The following CLIC2 variants were observed in gnomAD, a reference collection of about 807,000 sequenced individuals.
CLIC2 encodes the protein chloride intracellular channel protein 2.
CLIC2 carries 9 observed loss-of-function variants against 14.8 expected under a neutral mutation model. The ratio of observed to expected loss-of-function variants is 0.61; its 90% CI spans 0.37 to 1.06. CLIC2 has a LOEUF of 1.06. Among genes scored for constraint, CLIC2 ranks in the 50% least tolerant of loss-of-function variants. The pLI is 0.01. For synonymous variants in CLIC2, 61 were observed against 66.3 expected (o/e 0.92, Z 0.39); for missense variants, 148 against 181.4 (o/e 0.82, Z 1.06).
At chrX:155,316,894 C>T (rs1162192182) in intron 1 of CLIC2, among the ~76,000 whole-genome samples, 1 of 111,007 alleles carries the variant, frequency 9.0e-6, no homozygotes, top group Non-Finnish European at 1.9e-5. Flanking sequence ...TCTAGCCATG[C>T]TGGCAGCTAA....
At position 155,297,884 on chromosome X, in the gene CLIC2, A is replaced by AAAAAG. The variant is rs1557318527; in HGVS notation, c.293+900_293+901insCTTTT. On this transcript the variant is annotated intron_variant, in intron 3 of 5. Transcript: ENST00000369449. ...TCAAAAAAAAAAAAAAAAAAAAAAAAAAGAAGGTGAACCATCAGAGAGACA... is the reference window on the plus strand; with the variant it reads ...TCAAAAAAAAAAAAAAAAAAAAAAAAAAAAGAAGAAGGTGAACCATCAGAGAGACA... Among the ~76,000 whole-genome samples, 39 of 45,212 alleles carry AAAAAG rather than the reference A, an allele frequency of 8.6e-4. 5 individuals are homozygous for AAAAAG. Among genetic ancestry groups the AAAAAG allele is most frequent in the African/African-American group, 1.8e-3 (31 of 17,031 alleles). 39.3% of individuals were successfully genotyped at this position (45,212 alleles called of 115,157 possible).
chrX:155,279,760 T>C (rs1297107916), intron 4 of CLIC2, among the ~76,000 whole-genome samples: 1 of 111,827 alleles, frequency 8.9e-6, no homozygotes, highest in East Asian at 2.8e-4. Flanking sequence ...AATTGAGCTA[T>C]GGTTGGTAAT....
At chrX:155,299,825 T>C (rs2075009048) in intron 1 of CLIC2, among the ~76,000 whole-genome samples, 1 of 99,840 alleles carries the variant, frequency 1.0e-5, no homozygotes, top group African/African-American at 3.7e-5. Flanking sequence ...GAATATGCGG[T>C]GTTTGGTTTT....
intron 3 of CLIC2, among the ~76,000 whole-genome samples, chrX:155,286,264 A>G (rs782477611): frequency 1.8e-5 from 2 of 112,349 alleles, no homozygotes; most frequent in East Asian, 5.6e-4. Flanking sequence ...GTTTGCTAAG[A>G]ATAATAGCCT....
In CLIC2 at chrX:155,312,634, C is replaced by T. The variant is rs140616872; in HGVS notation, c.58-13489G>A. 1.7e-3 allele frequency among the ~76,000 whole-genome samples: 186 copies of T among 111,717 alleles called. 1 individual carries two copies. In the East Asian group the frequency reaches 0.049, roughly 29 times the overall value. On this transcript the variant is annotated intron_variant, in intron 1 of 5. Transcript: ENST00000369449. Reference sequence around the variant, plus strand: ...GCTTTGTTCTTTTTGCTTAGGATTGCTTTGACTATTTGGGCTCTTTTTGTG... The same window carrying T: ...GCTTTGTTCTTTTTGCTTAGGATTGTTTTGACTATTTGGGCTCTTTTTGTG...
intron 1 of CLIC2, among the ~76,000 whole-genome samples, chrX:155,329,992 T>C (rs1414604829): frequency 2.7e-5 from 3 of 110,740 alleles, no homozygotes; most frequent in African/African-American, 6.5e-5. Context: ...AACAAAAACA[T>C]TTGAACTCAT....
rs2074904045 is a variant in CLIC2 at position 155,277,871 on chromosome X, C to A, written c.*32G>T. ...TATGTCAATAAGTAAAATCTGATCA[C>A]AAATATAGCCTTGTCTCCTGTAAGA... is the stretch of plus-strand genomic sequence containing the variant. On this transcript the variant is annotated 3_prime_UTR_variant, in exon 6 of 6. Coordinates refer to ENST00000369449, the MANE Select transcript of CLIC2 (RefSeq NM_001289.6). 1.7e-6 allele frequency: 2 copies of A among 1,171,191 alleles called. No individual in the cohort carries two copies. Among genetic ancestry groups the A allele is most frequent in the African/African-American group, 3.6e-5 (2 of 56,294 alleles).
intron 1 of CLIC2, among the ~76,000 whole-genome samples, chrX:155,302,510 T>C (rs1211187976): frequency 4.0e-5 from 4 of 99,312 alleles, no homozygotes; most frequent in Non-Finnish European, 8.3e-5. Context: ...ATCAATTTTG[T>C]TGACCCTTTC....
At chrX:155,286,188 G>A (rs2074942239) in intron 3 of CLIC2, among the ~76,000 whole-genome samples, 1 of 111,629 alleles carries the variant, frequency 9.0e-6, no homozygotes, top group Non-Finnish European at 1.9e-5. Context: ...GTGTTCATGA[G>A]TTCTCATCAT....
intron 1 of CLIC2, among the ~76,000 whole-genome samples, chrX:155,332,058 A>C (rs1422203644): frequency 1.8e-5 from 2 of 111,643 alleles, no homozygotes; most frequent in Non-Finnish European, 3.8e-5. Context: ...ACAAACAACA[A>C]ATCATTAAGA....
intron 1 of CLIC2, among the ~76,000 whole-genome samples, chrX:155,319,432 AC>A (rs1167092830): frequency 8.9e-6 from 1 of 111,844 alleles, no homozygotes; most frequent in Non-Finnish European, 1.9e-5. Context: ...GTGGGGCGTC[AC>A]CTCACTCAGG....
chrX:155,319,554 C>T lies in CLIC2; in HGVS notation c.57+14817G>A, dbSNP rs72616494. The stretch of plus-strand genomic sequence containing the variant: ...GATACTATGCTTTTCCCACAGTCTT[C>T]GCAACCAGCAGACCAGGAGATTCCC... On this transcript the variant is annotated intron_variant, in intron 1 of 5. Coordinates refer to ENST00000369449, the MANE Select transcript of CLIC2 (RefSeq NM_001289.6). Among the ~76,000 whole-genome samples the T allele has an allele frequency of 1.4e-3, 157 of 112,385 alleles. 3 individuals are homozygous for T. In the East Asian group the frequency reaches 0.039, roughly 28 times the overall value.
chrX:155,285,598 T>C (rs2074939122), intron 3 of CLIC2, among the ~76,000 whole-genome samples: 1 of 111,051 alleles, frequency 9.0e-6, no homozygotes, highest in Non-Finnish European at 1.9e-5. Context: ...AATTTTTGGG[T>C]GTGGCTTCTG....
intron 3 of CLIC2, among the ~76,000 whole-genome samples, chrX:155,285,478 T>C (rs1220804703): frequency 8.9e-6 from 1 of 112,002 alleles, no homozygotes; most frequent in African/African-American, 3.3e-5. Context: ...GAGGGATACA[T>C]ACATTTATTT....
At chrX:155,322,931 A>G (rs1242649950) in intron 1 of CLIC2, among the ~76,000 whole-genome samples, 1 of 112,354 alleles carries the variant, frequency 8.9e-6, no homozygotes, top group Non-Finnish European at 1.9e-5. Flanking sequence ...AAACACCTCT[A>G]CACAAATAAA....
chrX:155,289,497 T>C (rs2074954921), intron 3 of CLIC2, among the ~76,000 whole-genome samples: 1 of 112,391 alleles, frequency 8.9e-6, no homozygotes, highest in African/African-American at 3.2e-5. Flanking sequence ...GACTTTAAAG[T>C]AATTTTAAAT....
At chrX:155,314,769 A>C (rs1602955020) in intron 1 of CLIC2, among the ~76,000 whole-genome samples, 1 of 112,195 alleles carries the variant, frequency 8.9e-6, no homozygotes, top group East Asian at 2.8e-4. Flanking sequence ...GTAGATTATT[A>C]AGCTAATCAA....
chrX:155,331,485 T>C (rs1310188186), intron 1 of CLIC2, among the ~76,000 whole-genome samples: 2 of 111,807 alleles, frequency 1.8e-5, no homozygotes, highest in African/African-American at 6.5e-5. Flanking sequence ...GATCTAAGTT[T>C]TTAAACATGA....
At chrX:155,323,634 C>A (rs1412683716) in intron 1 of CLIC2, among the ~76,000 whole-genome samples, 1 of 111,953 alleles carries the variant, frequency 8.9e-6, no homozygotes, top group African/African-American at 3.2e-5. Context: ...GACAAGGATG[C>A]CCTCTCTCAC....
Sources: gnomAD v4.1 joint callset for allele counts (sites outside exome capture counted in the v4.1 genomes callset) on GRCh38, gnomAD v4.1.1 for gene constraint, MANE v1.5 for transcripts, NCBI Gene and HGNC (gene_info 2026-07-23, HGNC 2026-07-21) for gene names.